Variants in USP7 observed in about 807,000 individuals in gnomAD.
USP7 encodes the protein ubiquitin C-terminal hydrolase 7.
In USP7, 9 loss-of-function variants were observed where a neutral mutation model predicts 162.9. The ratio of observed to expected loss-of-function variants is 0.06; its 90% CI spans 0.03 to 0.10. The LOEUF is 0.10. Ranked by LOEUF, USP7 falls within the 10% of genes least tolerant of loss-of-function variation. The pLI, the probability that USP7 is intolerant of heterozygous loss-of-function variation, is 1.00. For missense variants in USP7, 715 were observed against 1,373.7 expected (o/e 0.52, Z 7.58); for synonymous variants, 562 against 475.9 (o/e 1.18, Z -2.35).
At chr16:8,897,268 G>GA in intron 25 of USP7, 169 bp from the exon 26 acceptor site, 1 of 610,880 alleles carries the variant, frequency 1.6e-6, no homozygotes, top group Non-Finnish European at 2.9e-6. Flanking sequence ...TTCACTCACA[G>GA]TGAGGACACT....
At position 8,895,131 on chromosome 16, in the gene USP7, A is replaced by G; in HGVS notation, c.2939T>C (p.Val980Ala). ...CATCTCATTCTCTTTGTCTATGTCC[A>G]CCTGGTCCAAAGGGATTTCCTGGGG... ...FRIEEIPLDQVDIDKENEMLV... is the reference protein window; with the variant it reads ...FRIEEIPLDQADIDKENEMLV... Residue 980 changes from valine (V) to alanine (A), a missense_variant, in exon 28 of 31, where the codon GTG becomes GCG. By Grantham distance (64) the Val-to-Ala change is moderately conservative. Transcript: ENST00000344836. 6.2e-7 allele frequency: 1 copy of G among 1,614,218 alleles called. No homozygotes were observed. The highest frequency in any genetic ancestry group is 8.5e-7 in the Non-Finnish European group (1 of 1,180,042).
intron 1 of USP7, among the ~76,000 whole-genome samples, chr16:8,942,589 G>A (rs1899098131): frequency 6.6e-6 from 1 of 152,124 alleles, no homozygotes; most frequent in Non-Finnish European, 1.5e-5. Flanking sequence ...GCTCTGTTGG[G>A]CAGGCTGGAG....
intron 1 of USP7, 148 bp downstream of exon 1, chr16:8,963,059 C>CG: frequency 3.9e-6 from 2 of 516,754 alleles, no homozygotes; most frequent in Non-Finnish European, 4.5e-6. Context: ...TGCAGCCTCG[C>CG]AGGCCGGGGC....
rs1021048045 is a variant in USP7 at position 8,900,979 on chromosome 16, A to G, written c.2208+11T>C. ...GAATATACTAATTATGGAAAAATAA[A>G]CCATCCAAACCTCATAGAGGATAAG... is the stretch of plus-strand genomic sequence containing the variant. On this transcript the variant is annotated intron_variant, in intron 20 of 30. Coordinates refer to ENST00000344836, the MANE Select transcript of USP7 (RefSeq NM_003470.3). 7 of 1,610,978 alleles carry G rather than the reference A, an allele frequency of 4.3e-6. No homozygotes were observed. In the African/African-American group the frequency reaches 9.4e-5, roughly 22 times the overall value.
chr16:8,914,101 A>C (rs895738596), intron 10 of USP7, among the ~76,000 whole-genome samples: 1 of 152,142 alleles, frequency 6.6e-6, no homozygotes, highest in Admixed American at 6.5e-5. Flanking sequence ...AAAAGAAAAG[A>C]AGCCAATACT....
At chr16:8,923,963 C>T (rs1000091043) in intron 2 of USP7, among the ~76,000 whole-genome samples, 3 of 152,042 alleles carry the variant, frequency 2.0e-5, no homozygotes, top group Non-Finnish European at 4.4e-5. Context: ...CATTGGTTCA[C>T]GATTTTTGCA....
At chr16:8,903,157 G>A in intron 16 of USP7, 111 bp downstream of exon 16, 2 of 1,415,106 alleles carry the variant, frequency 1.4e-6, no homozygotes, top group Admixed American at 2.2e-5. Context: ...CTGTTAGGCA[G>A]TGGCTGGACA....
chr16:8,942,445 T>A (rs944747780), intron 1 of USP7, among the ~76,000 whole-genome samples: 4 of 152,214 alleles, frequency 2.6e-5, no homozygotes, highest in African/African-American at 9.6e-5. Flanking sequence ...TCTGACCACC[T>A]GCACCTCACC....
chr16:8,960,459 G>A (rs1440013344), intron 1 of USP7, among the ~76,000 whole-genome samples: 2 of 152,222 alleles, frequency 1.3e-5, no homozygotes, highest in African/African-American at 4.8e-5. Flanking sequence ...AGGCCGGAGA[G>A]CAAACTCACA....
intron 1 of USP7, 56 bp downstream of exon 1, chr16:8,963,142 GCGGCTCCCC>G: frequency 7.6e-7 from 1 of 1,316,588 alleles, no homozygotes; most frequent in Non-Finnish European, 9.8e-7. Context: ...CGTGGCTCCC[GCGGCTCCCC>G]CGGCCACAAT....
chr16:8,927,308 AAAAAAG>A (rs1038937005), intron 2 of USP7, among the ~76,000 whole-genome samples: 4 of 151,684 alleles, frequency 2.6e-5, no homozygotes, highest in Admixed American at 1.3e-4. Flanking sequence ...GCCAAAAAGA[AAAAAAG>A]AAAAAGAAAA....
intron 1 of USP7, among the ~76,000 whole-genome samples, chr16:8,933,329 A>G (rs542903377): frequency 5.3e-5 from 8 of 152,318 alleles, no homozygotes; most frequent in East Asian, 1.9e-4. Context: ...GGACGATCAC[A>G]TAAGTCAAGG....
intron 1 of USP7, among the ~76,000 whole-genome samples, chr16:8,959,551 T>C (rs1463248290): frequency 6.6e-6 from 1 of 152,214 alleles, no homozygotes; most frequent in Admixed American, 6.5e-5. Flanking sequence ...AATTTCTCTC[T>C]ACTGGGTTCT....
At chr16:8,936,635 C>T in intron 1 of USP7, 1 of 1,557,322 alleles carries the variant, frequency 6.4e-7, no homozygotes, top group Non-Finnish European at 8.6e-7. Flanking sequence ...TCTGCAGTGG[C>T]CTCTGCTGGG....
intron 1 of USP7, among the ~76,000 whole-genome samples, chr16:8,952,745 T>C (rs1266887934): frequency 2.6e-5 from 4 of 152,190 alleles, no homozygotes; most frequent in Non-Finnish European, 4.4e-5. Flanking sequence ...AGCATCATTC[T>C]GCAAACCACA....
At chr16:8,941,870 G>A (rs1468280643) in intron 1 of USP7, among the ~76,000 whole-genome samples, 1 of 152,152 alleles carries the variant, frequency 6.6e-6, no homozygotes, top group Non-Finnish European at 1.5e-5. Context: ...ACGCCTCCTG[G>A]TCTCCTGGTG....
At chr16:8,903,948 C>T (rs1052696354) in intron 15 of USP7, among the ~76,000 whole-genome samples, 7 of 152,114 alleles carry the variant, frequency 4.6e-5, no homozygotes, top group Admixed American at 2.6e-4. Context: ...TAAATTGGAC[C>T]TAGCTAGACA....
At position 8,900,515 on chromosome 16, in the gene USP7, T is replaced by C. The variant is rs2061758014; in HGVS notation, c.2309+15A>G. The C allele has an allele frequency of 6.4e-7, 1 of 1,566,846 alleles. No individual in the cohort carries two copies. The highest frequency in any genetic ancestry group is 8.7e-7 in the Non-Finnish European group (1 of 1,154,210). On this transcript the variant is annotated intron_variant, in intron 21 of 30. Transcript: ENST00000344836. ...AATTAGTACAAAGTGATACAATCCT[T>C]CACAAAGTACATACTTCTGAAATAC...
intron 8 of USP7, among the ~76,000 whole-genome samples, chr16:8,916,019 C>T (rs1392499792): frequency 1.3e-5 from 2 of 152,164 alleles, no homozygotes; most frequent in Non-Finnish European, 2.9e-5. Context: ...TGTGCTTCTG[C>T]GTCTTTTATC....
Sources: allele counts gnomAD v4.1 joint callset (sites outside exome capture counted in the v4.1 genomes callset), GRCh38; gene constraint gnomAD v4.1.1; transcripts MANE v1.5; gene names NCBI Gene and HGNC (gene_info 2026-07-23, HGNC 2026-07-21).